Variants in MCF2 observed in about 807,000 individuals in gnomAD.
MCF2 encodes MCF.2 cell line derived transforming sequence.
A neutral mutation model predicts 82.5 loss-of-function variants in MCF2; 44 were observed. That is an observed-to-expected ratio of 0.53 (90% confidence interval 0.42 to 0.69). The LOEUF is 0.69. MCF2 is among the 30% of genes least tolerant of loss of function. The pLI, the probability that MCF2 is intolerant of heterozygous loss-of-function variation, is 0.00. For synonymous variants in MCF2, 217 were observed against 224.9 expected (o/e 0.96, Z 0.32); for missense variants, 623 against 663.1 (o/e 0.94, Z 0.66).
chrX:139,634,366 G>A (rs934793182), intron 1 of MCF2, among the ~76,000 whole-genome samples: 7 of 111,350 alleles, frequency 6.3e-5, no homozygotes, highest in Non-Finnish European at 1.1e-4. Context: ...ACTTAAAACT[G>A]CTCTAAAAAA....
chrX:139,584,908 T>C (rs1049787919), intron 24 of MCF2, among the ~76,000 whole-genome samples, 158 bp downstream of exon 28: 2 of 111,899 alleles, frequency 1.8e-5, no homozygotes, highest in African/African-American at 3.2e-5. Context: ...ACAGAAGTGC[T>C]TCCTGATGTT....
intron 10 of MCF2, 40 bp from the exon 15 acceptor site, chrX:139,610,378 TA>T (rs1222469360): frequency 1.1e-6 from 1 of 945,309 alleles, no homozygotes. Context: ...AAACCAGAAT[TA>T]AAGTCAGCAC....
chrX:139,672,576 A>G (rs1459594609), intron 1 of MCF2, among the ~76,000 whole-genome samples: 2 of 111,942 alleles, frequency 1.8e-5, no homozygotes, highest in Non-Finnish European at 3.8e-5. Context: ...AGATAATCAT[A>G]TGGTTTTTGC....
intron 1 of MCF2, among the ~76,000 whole-genome samples, chrX:139,662,586 C>A (rs1452752078): frequency 9.0e-6 from 1 of 110,588 alleles, no homozygotes. Context: ...TTTTTTTGTA[C>A]AAATTAATGG....
chrX:139,587,895 ATCCTTG>A, intron 21 of MCF2, 107 bp from the exon 26 acceptor site: 1 of 470,086 alleles, frequency 2.1e-6, no homozygotes, highest in Non-Finnish European at 3.6e-6. Flanking sequence ...ACACACACGC[ATCCTTG>A]CCATTAGACT....
intron 11 of MCF2, among the ~76,000 whole-genome samples, chrX:139,609,709 C>T (rs1369419848): frequency 1.8e-5 from 2 of 110,822 alleles, no homozygotes; most frequent in African/African-American, 3.3e-5. Context: ...ACCTGTAGTC[C>T]CAGCTACTCA....
chrX:139,644,552 T>G (rs996733071), upstream of MCF2, among the ~76,000 whole-genome samples: 1 of 112,422 alleles, frequency 8.9e-6, no homozygotes, highest in Non-Finnish European at 1.9e-5. Flanking sequence ...AGGAAACCAC[T>G]TTTTGCTTAT....
At position 139,653,068 on chromosome X, in the gene MCF2, A is replaced by T. The variant is rs549309956; in HGVS notation, c.-44-1280T>A. Among the ~76,000 whole-genome samples, 97 of 112,068 alleles carry T rather than the reference A, an allele frequency of 8.7e-4. 2 individuals are homozygous for T. The South Asian group carries it at 0.035, about 40-fold the overall frequency. On this transcript the variant is annotated intron_variant, in intron 1 of 27. Transcript: ENST00000414978. ...TTTCTTAAAAATGTCTTGTAATTTTATATATTTAGACTCGATATATTTCAG... is the reference window on the plus strand; with the variant it reads ...TTTCTTAAAAATGTCTTGTAATTTTTTATATTTAGACTCGATATATTTCAG...
At chrX:139,679,182 T>G (rs1411043783) in intron 1 of MCF2, among the ~76,000 whole-genome samples, 1 of 112,445 alleles carries the variant, frequency 8.9e-6, no homozygotes, top group Non-Finnish European at 1.9e-5. Flanking sequence ...TTTTACCACG[T>G]GCTTACAGAG....
chrX:139,583,719 A>G (rs1411694400), intron 24 of MCF2, among the ~76,000 whole-genome samples: 3 of 111,886 alleles, frequency 2.7e-5, no homozygotes, highest in African/African-American at 9.7e-5. Context: ...TTCCCATGTA[A>G]CAAAACCTTA....
chrX:139,694,199 A>G (rs1160535020), intron 1 of MCF2, among the ~76,000 whole-genome samples: 1 of 112,116 alleles, frequency 8.9e-6, no homozygotes, highest in Non-Finnish European at 1.9e-5. Flanking sequence ...CTTTAGGTTT[A>G]GAAAGCTATT....
chrX:139,597,419 C>T (rs1179346368), intron 18 of MCF2, 41 bp downstream of exon 22: 2 of 1,087,208 alleles, frequency 1.8e-6, no homozygotes, highest in South Asian at 3.7e-5. Flanking sequence ...TGTTGAGATG[C>T]CGACCCTCTA....
chrX:139,666,466 G>A (rs1250116026), intron 1 of MCF2, among the ~76,000 whole-genome samples: 1 of 111,466 alleles, frequency 9.0e-6, no homozygotes, highest in Non-Finnish European at 1.9e-5. Context: ...ATTTATAAAG[G>A]ATAGTTTATT....
At chrX:139,632,065 A>G (rs1460692639) in intron 2 of MCF2, among the ~76,000 whole-genome samples, 2 of 111,366 alleles carry the variant, frequency 1.8e-5, no homozygotes, top group African/African-American at 6.5e-5. Flanking sequence ...ATACATATAC[A>G]CACATGCACA....
intron 4 of MCF2, 21 bp from the exon 8 acceptor site, chrX:139,626,777 A>T: frequency 8.4e-7 from 1 of 1,189,615 alleles, no homozygotes; most frequent in Non-Finnish European, 1.1e-6. Context: ...ACACAAAAGG[A>T]GTATCACCTA....
At chrX:139,682,449 T>A in intron 1 of MCF2, among the ~76,000 whole-genome samples, 1 of 112,195 alleles carries the variant, frequency 8.9e-6, no homozygotes, top group Non-Finnish European at 1.9e-5. Flanking sequence ...TGAGAGGAAC[T>A]GAATCAGTCT....
intron 24 of MCF2, among the ~76,000 whole-genome samples, chrX:139,584,659 G>A (rs755352741): frequency 1.8e-5 from 2 of 111,703 alleles, no homozygotes; most frequent in South Asian, 3.8e-4. Flanking sequence ...TTATTAAATC[G>A]TTTTTAATGT....
chrX:139,594,420 C>G (rs1314281001), intron 19 of MCF2, among the ~76,000 whole-genome samples: 1 of 110,222 alleles, frequency 9.1e-6, no homozygotes, highest in Non-Finnish European at 1.9e-5. Flanking sequence ...GAAATAATGC[C>G]GCATATCTAC....
intron 1 of MCF2, among the ~76,000 whole-genome samples, chrX:139,700,685 A>G (rs943736853): frequency 2.7e-5 from 3 of 112,281 alleles, no homozygotes; most frequent in Non-Finnish European, 5.6e-5. Context: ...ATACAAAGAA[A>G]GACACTTCCT....
Sources: gnomAD v4.1 joint callset for allele counts (sites outside exome capture counted in the v4.1 genomes callset) on GRCh38, gnomAD v4.1.1 for gene constraint, MANE v1.5 for transcripts, NCBI Gene and HGNC (gene_info 2026-07-23, HGNC 2026-07-21) for gene names.